The following TRIP12 variants were observed in gnomAD, a reference collection of about 807,000 sequenced individuals.
TRIP12 encodes the protein E3 ubiquitin-protein ligase TRIP12.
Under a neutral mutation model 244.2 loss-of-function variants are expected in TRIP12, and 25 were observed. The ratio of observed to expected loss-of-function variants is 0.10; its 90% CI spans 0.07 to 0.14. TRIP12 has a LOEUF of 0.14. Ranked by LOEUF, TRIP12 falls within the 10% of genes least tolerant of loss-of-function variation. The pLI is 1.00. For synonymous variants in TRIP12, 905 were observed against 873.1 expected, an observed-to-expected ratio of 1.04 and a Z score of -0.64; for missense variants, 1,677 against 2,486.4, an observed-to-expected ratio of 0.67 and a Z score of 6.92.
At chr2:229,869,108 TTTAGTGGCTAGATTATAA>T (rs1001418546) in intron 2 of TRIP12, among the ~76,000 whole-genome samples, 1 of 152,226 alleles carries the variant, frequency 6.6e-6, no homozygotes, top group African/African-American at 2.4e-5. Context: ...AGACAACCTT[TTTAGTGGCTAGATTATAA>T]CCACTAATAT....
intron 1 of TRIP12, among the ~76,000 whole-genome samples, chr2:229,881,063 C>T (rs2064766764): frequency 6.6e-6 from 1 of 152,166 alleles, no homozygotes; most frequent in African/African-American, 2.4e-5. Flanking sequence ...TTTTCAACAG[C>T]AGCTCTGCTG....
At chr2:229,873,882 T>G (rs1257185405) in intron 2 of TRIP12, among the ~76,000 whole-genome samples, 4 of 152,124 alleles carry the variant, frequency 2.6e-5, no homozygotes, top group African/African-American at 9.7e-5. Flanking sequence ...AAGCATTTCC[T>G]CTCATCATTC....
At position 229,840,302 on chromosome 2, in the gene TRIP12, T is replaced by C. The variant is rs910287577; in HGVS notation, c.1133+520A>G. ...AAGTATCGTCAAGAAATAGAATGAT[T>C]AGAACTTAGTAGAAACATGTAAATA... On this transcript the variant is annotated intron_variant, in intron 5 of 41. Coordinates refer to ENST00000675903, the MANE Select transcript of TRIP12 (RefSeq NM_001348323.3). 5.3e-5 allele frequency among the ~76,000 whole-genome samples: 8 copies of C among 152,136 alleles called. No homozygotes were observed. The South Asian group carries it at 6.2e-4, about 12-fold the overall frequency.
intron 8 of TRIP12, among the ~76,000 whole-genome samples, chr2:229,826,669 T>C (rs1337674408): frequency 6.6e-6 from 1 of 152,194 alleles, no homozygotes; most frequent in African/African-American, 2.4e-5. Flanking sequence ...CTAGGCTGTC[T>C]AGTTTAGCCC....
At chr2:229,853,117 T>A (rs1389966054) in intron 4 of TRIP12, among the ~76,000 whole-genome samples, 1 of 152,200 alleles carries the variant, frequency 6.6e-6, no homozygotes, top group South Asian at 2.1e-4. Flanking sequence ...TGACCAATTA[T>A]GTCTTAGAAT....
chr2:229,873,968 T>C (rs2063149114), intron 2 of TRIP12, among the ~76,000 whole-genome samples: 1 of 151,810 alleles, frequency 6.6e-6, no homozygotes, highest in Admixed American at 6.6e-5. Flanking sequence ...ATTCTTAGCA[T>C]GGAGAAGGCA....
chr2:229,832,090 C>T (rs1467270918), intron 6 of TRIP12, among the ~76,000 whole-genome samples: 3 of 151,924 alleles, frequency 2.0e-5, no homozygotes, highest in Non-Finnish European at 4.4e-5. Flanking sequence ...CAGCCACTGA[C>T]TGTATTTTCA....
intron 36 of TRIP12, among the ~76,000 whole-genome samples, chr2:229,777,887 G>A (rs1559335222): frequency 6.6e-6 from 1 of 152,172 alleles, no homozygotes; most frequent in Non-Finnish European, 1.5e-5. Context: ...AGAAGAGCAC[G>A]GTGGCTCATG....
chr2:229,888,936 A>C (rs2066667199), intron 1 of TRIP12, among the ~76,000 whole-genome samples: 2 of 152,216 alleles, frequency 1.3e-5, no homozygotes, highest in African/African-American at 4.8e-5. Context: ...GACAATAGCC[A>C]GGAGAGAAGG....
rs1200575500 is a variant in TRIP12 at position 229,785,844 on chromosome 2, G to C, written c.5007C>G (p.Asn1669Lys). ...PRLDRKKRTV[N>K]REELLKQAES... ...CCGCCTGTTTCAGCAGCTCCTCTCG[G>C]TTCACAGTACGCTACAAAGAAAGTA... The change falls in exon 34 of 42, where the codon AAC becomes AAG. Residue 1669 changes from asparagine to lysine, a missense_variant. By Grantham distance (94) the Asn-to-Lys change is moderately conservative. Coordinates refer to ENST00000675903, the MANE Select transcript of TRIP12 (RefSeq NM_001348323.3). 3.1e-6 allele frequency: 5 copies of C among 1,613,020 alleles called. No homozygotes were observed. The highest frequency in any genetic ancestry group is 1.7e-5 in the Admixed American group (1 of 59,796).
intron 2 of TRIP12, among the ~76,000 whole-genome samples, chr2:229,874,950 A>G (rs1046543580): frequency 5.9e-5 from 9 of 152,194 alleles, no homozygotes; most frequent in Non-Finnish European, 1.3e-4. Context: ...TATAATAAAA[A>G]CGCTACTGCA....
chr2:229,898,629 T>G (rs776329620), intron 1 of TRIP12, among the ~76,000 whole-genome samples: 39 of 152,340 alleles, frequency 2.6e-4, no homozygotes, highest in South Asian at 4.1e-4. Context: ...AAATCAACTT[T>G]TTAAGTGATA....
chr2:229,778,772 GCAAGTA>G lies in TRIP12; in HGVS notation c.5209+98_5209+103del, dbSNP rs1399846094. Reference sequence around the variant, plus strand: ...ATGAGAAAACAGAGGCTAAAAGAAAGCAAGTACAGCTGTCCATTAGAAATTAAATAT... The same window carrying G: ...ATGAGAAAACAGAGGCTAAAAGAAAGCAGCTGTCCATTAGAAATTAAATAT... On this transcript the variant is annotated intron_variant, in intron 35 of 41. Coordinates refer to ENST00000675903, the MANE Select transcript of TRIP12 (RefSeq NM_001348323.3). This position sits in a 1 kb window ranked among gnomAD's most constrained non-coding sequence, Gnocchi z 4.1. 2 of 1,346,852 alleles carry G rather than the reference GCAAGTA, an allele frequency of 1.5e-6. No individual in the cohort carries two copies. The highest frequency in any genetic ancestry group is 2.9e-5 in the African/African-American group (2 of 68,402). The allele number at this position is 1,346,852 out of a possible 1,614,324, so 83.4% of individuals were successfully genotyped here. A position where few individuals can be genotyped will look rare whatever the true frequency, so the allele number is the denominator to read the frequency against.
At chr2:229,773,923 T>C (rs1470700097) in intron 38 of TRIP12, 174 bp downstream of exon 38, 1 of 550,284 alleles carries the variant, frequency 1.8e-6, no homozygotes, top group Non-Finnish European at 3.2e-6. Context: ...AAATATCTGA[T>C]ATGTGCACTC....
chr2:229,809,664 A>G (rs1053788955), intron 15 of TRIP12, among the ~76,000 whole-genome samples: 3 of 152,168 alleles, frequency 2.0e-5, no homozygotes, highest in African/African-American at 4.8e-5. Flanking sequence ...AAAGAGTTGA[A>G]CCTTTCCCAA....
chr2:229,814,670 A>G (rs2048073609), intron 11 of TRIP12, among the ~76,000 whole-genome samples: 3 of 152,192 alleles, frequency 2.0e-5, no homozygotes, highest in Admixed American at 1.3e-4. Flanking sequence ...TTATCAGATA[A>G]AGCAAATTTT....
rs115307314 is a variant in TRIP12, at chr2:229,789,864, T to C, written c.4544-102A>G. 1,455 of 1,277,352 alleles carry C rather than the reference T, an allele frequency of 1.1e-3. 10 individuals are homozygous for C. In the African/African-American group the frequency reaches 0.018, roughly 15 times the overall value. The allele number at this position is 1,277,352 out of a possible 1,614,324, so 79.1% of individuals were successfully genotyped here. The stretch of plus-strand genomic sequence containing the variant: ...GCTAAAAGAGTAACAGAAGTTGTTA[T>C]AGTCAACGCTTGGAATCTTATTAGT... On this transcript the variant is annotated intron_variant, in intron 30 of 41. Transcript: ENST00000675903.
chr2:229,778,405 T>C lies in TRIP12; in HGVS notation c.5364+28A>G, dbSNP rs751184147. On this transcript the variant is annotated intron_variant, in intron 36 of 41. Coordinates refer to ENST00000675903, the MANE Select transcript of TRIP12 (RefSeq NM_001348323.3). The surrounding 1 kb of genome is among the most constrained non-coding windows in gnomAD (Gnocchi z 4.1). ...TGCACAGAACATTCTACACCAAAAC[T>C]GCAAAAAGCAAACCATCCTAAACTT... 1 of 1,612,998 alleles carries C rather than the reference T, an allele frequency of 6.2e-7. No homozygotes were observed. Among genetic ancestry groups the C allele is most frequent in the South Asian group, 1.1e-5 (1 of 91,018 alleles).
intron 17 of TRIP12, chr2:229,806,205 T>G (rs2045836809): frequency 1.1e-5 from 2 of 187,850 alleles, no homozygotes; most frequent in Admixed American, 1.2e-4. Flanking sequence ...AGAATGCTTT[T>G]AAGACATTGC....
Sources: allele counts gnomAD v4.1 joint callset (sites outside exome capture counted in the v4.1 genomes callset), GRCh38; gene constraint gnomAD v4.1.1; non-coding constraint Gnocchi (gnomAD v3.1); transcripts MANE v1.5; gene names NCBI Gene and HGNC (gene_info 2026-07-23, HGNC 2026-07-21).